Variants in COL26A1 observed in about 807,000 individuals in gnomAD.
COL26A1 encodes collagen type XXVI alpha 1 chain.
Under a neutral mutation model 59.3 loss-of-function variants are expected in COL26A1, and 41 were observed. The ratio of observed to expected loss-of-function variants is 0.69; its 90% CI spans 0.54 to 0.90. The LOEUF is 0.90. Ranked by LOEUF, COL26A1 falls within the 40% of genes least tolerant of loss-of-function variation. The probability of loss-of-function intolerance (pLI) is 0.00; values close to 1 mark genes in which losing one functional copy is unlikely to be tolerated. For synonymous variants in COL26A1, 266 were observed against 256.0 expected (o/e 1.04, Z -0.37); for missense variants, 612 against 602.3 (o/e 1.02, Z -0.17).
intron 1 of COL26A1, among the ~76,000 whole-genome samples, chr7:101,413,811 G>A (rs950499095): frequency 1.3e-5 from 2 of 152,174 alleles, no homozygotes; most frequent in Admixed American, 6.6e-5. Flanking sequence ...CCATGTCCCA[G>A]TTCTGTCCTC....
intron 1 of COL26A1, among the ~76,000 whole-genome samples, chr7:101,368,628 G>T (rs559024728): frequency 6.6e-6 from 1 of 151,772 alleles, no homozygotes; most frequent in Non-Finnish European, 1.5e-5. Context: ...TTGGGTTGTT[G>T]CCATGGAAAG....
chr7:101,400,887 A>G (rs949756112), intron 1 of COL26A1, among the ~76,000 whole-genome samples: 7 of 152,102 alleles, frequency 4.6e-5, no homozygotes, highest in Non-Finnish European at 7.4e-5. Flanking sequence ...TCACTTGTTC[A>G]TTCAGTAAAT....
At chr7:101,393,006 G>GT (rs11350670) in intron 1 of COL26A1, among the ~76,000 whole-genome samples, 1,499 of 129,292 alleles carry the variant, frequency 0.012, 16 homozygotes, top group East Asian at 0.051. Context: ...ATGTTTTTTT[G>GT]TTTTTTTTTT....
chr7:101,506,316 C>A (rs1354802939), intron 3 of COL26A1, among the ~76,000 whole-genome samples: 1 of 152,234 alleles, frequency 6.6e-6, no homozygotes, highest in African/African-American at 2.4e-5. Context: ...AATAAACCAA[C>A]GCTGAAAAGC....
intron 7 of COL26A1, among the ~76,000 whole-genome samples, chr7:101,546,517 C>T (rs1170727459): frequency 6.6e-6 from 1 of 151,780 alleles, no homozygotes; most frequent in Non-Finnish European, 1.5e-5. Flanking sequence ...CTCAAGTGAT[C>T]CTCCCTCCTC....
chr7:101,367,017 T>C (rs1473071032), intron 1 of COL26A1, among the ~76,000 whole-genome samples: 1 of 152,190 alleles, frequency 6.6e-6, no homozygotes, highest in Non-Finnish European at 1.5e-5. Context: ...TGTAGTTAAC[T>C]TGATCTGCAA....
At chr7:101,470,705 T>A (rs1793878040) in intron 3 of COL26A1, among the ~76,000 whole-genome samples, 1 of 152,046 alleles carries the variant, frequency 6.6e-6, no homozygotes, top group South Asian at 2.1e-4. Context: ...ACCTGGAAGC[T>A]CCATAATCTC....
intron 1 of COL26A1, among the ~76,000 whole-genome samples, chr7:101,400,353 ATTTTTT>A (rs574852983): frequency 4.1e-5 from 4 of 97,256 alleles, no homozygotes; most frequent in African/African-American, 1.3e-4. Flanking sequence ...TTTTTTTCCT[ATTTTTT>A]TTTTTTTTTT....
chr7:101,522,800 G>A (rs560292990), intron 3 of COL26A1, among the ~76,000 whole-genome samples: 3 of 149,748 alleles, frequency 2.0e-5, no homozygotes, highest in South Asian at 2.1e-4. Context: ...CAGTTGCTCC[G>A]CATCCTCTCT....
intron 1 of COL26A1, among the ~76,000 whole-genome samples, chr7:101,385,841 A>G (rs916450902): frequency 6.6e-6 from 1 of 151,930 alleles, no homozygotes; most frequent in Non-Finnish European, 1.5e-5. Flanking sequence ...AGTAGCTGGG[A>G]CTACAGGCGC....
intron 3 of COL26A1, among the ~76,000 whole-genome samples, chr7:101,516,234 G>A (rs962744861): frequency 6.6e-6 from 1 of 152,202 alleles, no homozygotes; most frequent in Admixed American, 6.6e-5. Context: ...AACTGTATGG[G>A]AGATTTGCTT....
At chr7:101,525,689 G>C (rs1040068634) in intron 3 of COL26A1, among the ~76,000 whole-genome samples, 2 of 151,212 alleles carry the variant, frequency 1.3e-5, no homozygotes, top group Non-Finnish European at 2.9e-5. Context: ...GTAGAGACGG[G>C]GTTTCACTGT....
chr7:101,534,429 C>A (rs935852079), intron 4 of COL26A1, among the ~76,000 whole-genome samples: 5 of 152,154 alleles, frequency 3.3e-5, no homozygotes, highest in Non-Finnish European at 7.4e-5. Context: ...TACATGTGCA[C>A]ACACATGCAC....
chr7:101,538,984 G>A (rs560754771), intron 4 of COL26A1, among the ~76,000 whole-genome samples: 1 of 152,232 alleles, frequency 6.6e-6, no homozygotes, highest in Non-Finnish European at 1.5e-5. Flanking sequence ...GGCACACAGC[G>A]CCCCCTGCTG....
intron 2 of COL26A1, among the ~76,000 whole-genome samples, chr7:101,445,946 G>A (rs913180887): frequency 2.0e-5 from 3 of 150,232 alleles, no homozygotes; most frequent in Non-Finnish European, 4.4e-5. Context: ...TACTTGGGAG[G>A]CTGAGGCAGG....
At position 101,489,933 on chromosome 7, in the gene COL26A1, C is replaced by CTCTT. The variant is rs138474723; in HGVS notation, c.385+42166_385+42169dup. On this transcript the variant is annotated intron_variant, in intron 3 of 12. Transcript: ENST00000313669. The stretch of plus-strand genomic sequence containing the variant: ...TTCTTTCTTTCTTGTCTCTCTCTCT[C>CTCTT]TCTTTCTTTCTTTCTTTCTTTCTGA... Among the ~76,000 whole-genome samples, 580 of 81,082 alleles carry CTCTT rather than the reference C, an allele frequency of 7.2e-3. 25 individuals are homozygous for CTCTT. Among genetic ancestry groups the CTCTT allele is most frequent in the Non-Finnish European group, 8.5e-3 (418 of 49,186 alleles). 53.2% of individuals were successfully genotyped at this position (81,082 alleles called of 152,430 possible).
intron 3 of COL26A1, among the ~76,000 whole-genome samples, chr7:101,489,693 CTTTCTG>C (rs1794362913): frequency 6.8e-4 from 8 of 11,808 alleles, no homozygotes; most frequent in Admixed American, 1.5e-3. Flanking sequence ...TTCTTTCTTT[CTTTCTG>C]TCTTTCTTTC....
intron 1 of COL26A1, among the ~76,000 whole-genome samples, chr7:101,398,278 T>C (rs117453055): frequency 0.019 from 2,935 of 152,304 alleles, 47 homozygotes; most frequent in Non-Finnish European, 0.029. Flanking sequence ...GAACTTGTCA[T>C]TTTCCAATGA....
chr7:101,363,858 AGGTTCTCGGGTGGCCAAGGCCTC>A (rs1790974178), intron 1 of COL26A1, among the ~76,000 whole-genome samples: 1 of 152,008 alleles, frequency 6.6e-6, no homozygotes, highest in Non-Finnish European at 1.5e-5. Context: ...GTCGCGGAGC[AGGTTCTCGGGTGGCCAAGGCCTC>A]GCGTCCCGGG....
Sources: allele counts gnomAD v4.1 joint callset (sites outside exome capture counted in the v4.1 genomes callset), GRCh38; gene constraint gnomAD v4.1.1; transcripts MANE v1.5; gene names NCBI Gene and HGNC (gene_info 2026-07-23, HGNC 2026-07-21).